PAG1: variants seen among roughly 807,000 people sequenced by gnomAD.
The protein encoded by PAG1 is phosphoprotein associated with glycosphingolipid-enriched microdomains 1.
PAG1 carries 23 observed loss-of-function variants against 31.7 expected under a neutral mutation model. The observed-to-expected ratio is 0.73, with a 90% CI of 0.52 to 1.03. The LOEUF is 1.03. Ranked by LOEUF, PAG1 falls within the 50% of genes least tolerant of loss-of-function variation. The pLI, the probability that PAG1 is intolerant of heterozygous loss-of-function variation, is 0.00. For synonymous variants in PAG1, 214 were observed against 210.3 expected, an observed-to-expected ratio of 1.02 and a Z score of -0.15; for missense variants, 473 against 540.7, an observed-to-expected ratio of 0.87 and a Z score of 1.24.
At chr8:81,043,421 T>C (rs920930083) in intron 2 of PAG1, among the ~76,000 whole-genome samples, 9 of 152,232 alleles carry the variant, frequency 5.9e-5, no homozygotes, top group African/African-American at 9.6e-5. Context: ...CGAAAGAGTC[T>C]TTCTTTCTTT....
At chr8:80,986,691 G>C (rs920194240) in intron 6 of PAG1, among the ~76,000 whole-genome samples, 2 of 152,066 alleles carry the variant, frequency 1.3e-5, no homozygotes, top group Non-Finnish European at 2.9e-5. Flanking sequence ...GGTATGGAGG[G>C]ATTAGGGCTA....
intron 8 of PAG1, among the ~76,000 whole-genome samples, 200 bp from the exon 9 acceptor site, chr8:80,977,106 T>G (rs1390021303): frequency 6.6e-6 from 1 of 152,298 alleles, no homozygotes; most frequent in South Asian, 2.1e-4. Flanking sequence ...GTTAACTAGA[T>G]CAGTCATATT....
intron 3 of PAG1, among the ~76,000 whole-genome samples, chr8:81,015,722 C>A (rs1045195899): frequency 6.6e-6 from 1 of 152,146 alleles, no homozygotes; most frequent in Non-Finnish European, 1.5e-5. Flanking sequence ...TTAACTTTTT[C>A]TTCACAGGAT....
At chr8:81,011,494 A>C (rs1049070539) in intron 3 of PAG1, among the ~76,000 whole-genome samples, 1 of 152,080 alleles carries the variant, frequency 6.6e-6, no homozygotes, top group Non-Finnish European at 1.5e-5. Context: ...GAGTCCATTA[A>C]ACTTTTTTTT....
intron 2 of PAG1, among the ~76,000 whole-genome samples, chr8:81,037,425 T>C (rs1808479313): frequency 6.6e-6 from 1 of 152,244 alleles, no homozygotes; most frequent in Non-Finnish European, 1.5e-5. Context: ...CAAGTGTGGC[T>C]TGGATATGAA....
At chr8:81,098,856 G>A (rs1243090999) in intron 1 of PAG1, among the ~76,000 whole-genome samples, 3 of 152,236 alleles carry the variant, frequency 2.0e-5, no homozygotes, top group Non-Finnish European at 4.4e-5. Context: ...ATATGGCAGA[G>A]AGGATTGGAG....
intron 3 of PAG1, among the ~76,000 whole-genome samples, chr8:81,002,582 C>T (rs1228379181): frequency 2.6e-5 from 4 of 152,186 alleles, no homozygotes; most frequent in Non-Finnish European, 5.9e-5. Flanking sequence ...TTAGAGAACG[C>T]GTCCTGTGGT....
intron 2 of PAG1, among the ~76,000 whole-genome samples, chr8:81,051,760 G>C (rs1808732287): frequency 1.3e-5 from 2 of 152,198 alleles, no homozygotes; most frequent in Non-Finnish European, 2.9e-5. Context: ...AGCAAATACA[G>C]TGTCATGTGC....
rs529350787 is a variant in PAG1 at position 80,990,115 on chromosome 8, C to T, written c.177+1364G>A. On this transcript the variant is annotated intron_variant, in intron 5 of 8. Coordinates refer to ENST00000220597, the MANE Select transcript of PAG1 (RefSeq NM_018440.4). This position sits in a 1 kb window ranked among gnomAD's most constrained non-coding sequence, Gnocchi z 5.1. ...GGCGCTGGGAACAGATGAGAAGTGG[C>T]GACAATGTGGACAACCAGGGATGGG... Among the ~76,000 whole-genome samples, 18 of 146,446 alleles carry T rather than the reference C, an allele frequency of 1.2e-4. No individual in the cohort carries two copies. The highest frequency in any genetic ancestry group is 2.2e-4 in the East Asian group (1 of 4,538).
At chr8:81,042,986 C>T (rs1316939594) in intron 2 of PAG1, among the ~76,000 whole-genome samples, 1 of 152,158 alleles carries the variant, frequency 6.6e-6, no homozygotes, top group Non-Finnish European at 1.5e-5. Flanking sequence ...ATAAATCCTC[C>T]TATTTCTCAA....
intron 8 of PAG1, among the ~76,000 whole-genome samples, chr8:80,977,766 C>T (rs1171321445): frequency 2.0e-5 from 3 of 152,192 alleles, no homozygotes; most frequent in African/African-American, 7.2e-5. Context: ...TCCTGTATCA[C>T]CTCCGATATC....
chr8:81,111,231 A>G lies in PAG1; in HGVS notation c.-234+360T>C, dbSNP rs553110411. ...CCAAAGATCCATCGCAGTGCTGGCC[A>G]CACTCCCCAGAGGAATTAGGATGGA... On this transcript the variant is annotated intron_variant, in intron 1 of 8. Coordinates refer to ENST00000220597, the MANE Select transcript of PAG1 (RefSeq NM_018440.4). Among the ~76,000 whole-genome samples, 6 of 152,318 alleles carry G rather than the reference A, an allele frequency of 3.9e-5. No individual in the cohort carries two copies. In the South Asian group the frequency reaches 1.0e-3, roughly 26 times the overall value.
intron 7 of PAG1, among the ~76,000 whole-genome samples, chr8:80,982,630 G>A (rs1006644558): frequency 6.6e-6 from 1 of 152,156 alleles, no homozygotes; most frequent in South Asian, 2.1e-4. Flanking sequence ...GCTACCATCT[G>A]ATAAGCTCTA....
intron 1 of PAG1, among the ~76,000 whole-genome samples, chr8:81,106,377 C>T (rs974136600): frequency 1.7e-4 from 25 of 143,346 alleles, no homozygotes; most frequent in Admixed American, 1.3e-3. Context: ...CTTCTTCTTC[C>T]GTATTTTTTT....
chr8:81,061,640 G>A (rs1317663055), intron 2 of PAG1, among the ~76,000 whole-genome samples: 1 of 152,192 alleles, frequency 6.6e-6, no homozygotes, highest in Non-Finnish European at 1.5e-5. Flanking sequence ...CTCAATGCCA[G>A]GTACAGCTCC....
chr8:81,046,495 G>A (rs932775757), intron 2 of PAG1, among the ~76,000 whole-genome samples: 2 of 152,112 alleles, frequency 1.3e-5, no homozygotes, highest in Non-Finnish European at 2.9e-5. Context: ...TCAGCAAAGA[G>A]TTAACAATTG....
intron 3 of PAG1, among the ~76,000 whole-genome samples, chr8:81,016,602 C>A (rs1032318652): frequency 1.3e-5 from 2 of 152,342 alleles, no homozygotes; most frequent in Admixed American, 1.3e-4. Context: ...TACCATTTCT[C>A]AGGAACACCC....
At chr8:81,098,334 G>T (rs960162919) in intron 1 of PAG1, among the ~76,000 whole-genome samples, 1 of 152,176 alleles carries the variant, frequency 6.6e-6, no homozygotes, top group Non-Finnish European at 1.5e-5. Flanking sequence ...TTGGACTGGC[G>T]TCCTACTTCT....
At chr8:81,034,505 A>T (rs1808430830) in intron 2 of PAG1, among the ~76,000 whole-genome samples, 1 of 152,204 alleles carries the variant, frequency 6.6e-6, no homozygotes, top group Non-Finnish European at 1.5e-5. Flanking sequence ...AATGGAAATA[A>T]ACCAATAAAC....
Sources: allele counts gnomAD v4.1 joint callset (sites outside exome capture counted in the v4.1 genomes callset), GRCh38; gene constraint gnomAD v4.1.1; non-coding constraint Gnocchi (gnomAD v3.1); transcripts MANE v1.5; gene names NCBI Gene and HGNC (gene_info 2026-07-23, HGNC 2026-07-21).